Variants in OTC observed in about 807,000 individuals in gnomAD.
OTC encodes ornithine transcarbamylase, also known as ornithine transcarbamylase, mitochondrial.
OTC carries 3 observed loss-of-function variants against 30.3 expected under a neutral mutation model. The ratio of observed to expected loss-of-function variants is 0.10; its 90% CI spans 0.05 to 0.26. OTC has a LOEUF of 0.26. Among genes scored for constraint, OTC ranks in the 10% least tolerant of loss-of-function variants. The pLI, the probability that OTC is intolerant of heterozygous loss-of-function variation, is 1.00. For synonymous variants in OTC, 111 were observed against 99.7 expected, an observed-to-expected ratio of 1.11 and a Z score of -0.67; for missense variants, 194 against 260.3, an observed-to-expected ratio of 0.75 and a Z score of 1.75.
chrX:38,366,732 C>A (rs1010549766), intron 1 of OTC, among the ~76,000 whole-genome samples: 3 of 111,484 alleles, frequency 2.7e-5, no homozygotes, highest in Non-Finnish European at 5.6e-5. Flanking sequence ...ACTCATGTGG[C>A]TATTTCAAGC....
chrX:38,331,589 A>G, the OTC span, among the ~76,000 whole-genome samples: 5 of 103,664 alleles, frequency 4.8e-5, no homozygotes, highest in Admixed American at 2.1e-4. Context: ...TGTCCTATAT[A>G]CTATTTTTTT....
chrX:38,358,795 C>T (rs901616532), intron 1 of OTC, among the ~76,000 whole-genome samples: 17 of 108,786 alleles, frequency 1.6e-4, no homozygotes. Flanking sequence ...CTAATTTTTG[C>T]ATTTTTAGTA....
In OTC at chrX:38,381,324, C is replaced by CTTTTTTTTTTTTTTTTT. The variant is rs764551624; in HGVS notation, c.299-8_299-7insTTTTTTTTTTTTTTTTT. On this transcript the variant is annotated splice_polypyrimidine_tract_variant and intron_variant, in intron 3 of 9. Coordinates refer to ENST00000039007, the MANE Select transcript of OTC (RefSeq NM_000531.6). ...GTTGTTTTTTCAAAATGATTTTTTTCTTTTTTTTTTATTGTAGGCTTTGCA... is the reference window on the plus strand; with the variant it reads ...GTTGTTTTTTCAAAATGATTTTTTTCTTTTTTTTTTTTTTTTTTTTTTTTTTTATTGTAGGCTTTGCA... The CTTTTTTTTTTTTTTTTT allele has an allele frequency of 1.1e-6, 1 of 940,647 alleles. No individual in the cohort carries two copies. The highest frequency in any genetic ancestry group is 1.5e-6 in the Non-Finnish European group (1 of 689,251). The allele number at this position is 940,647 out of a possible 1,213,427, so 77.5% of individuals were successfully genotyped here.
the OTC span, among the ~76,000 whole-genome samples, chrX:38,334,853 C>T: frequency 1.8e-5 from 2 of 111,390 alleles, no homozygotes; most frequent in Non-Finnish European, 3.8e-5. Context: ...AGGTGAGCAG[C>T]GGTAGAGCAT....
At chrX:38,414,788 G>A (rs889190188) in intron 9 of OTC, among the ~76,000 whole-genome samples, 1 of 111,609 alleles carries the variant, frequency 9.0e-6, no homozygotes, top group African/African-American at 3.3e-5. Flanking sequence ...TGCCTTACAC[G>A]GACGCTAGAA....
At chrX:38,372,826 C>T (rs1207973726) in intron 3 of OTC, among the ~76,000 whole-genome samples, 1 of 112,097 alleles carries the variant, frequency 8.9e-6, no homozygotes, top group East Asian at 2.8e-4. Context: ...CAAGTACCAC[C>T]TGTTACTTTG....
Position 38,358,996 on chromosome X carries a change from G to A in OTC, c.77+6223G>A, listed in dbSNP as rs371929469. Among the ~76,000 whole-genome samples the A allele has an allele frequency of 5.4e-5, 6 of 111,488 alleles. No homozygotes were observed. In the East Asian group the frequency reaches 1.4e-3, roughly 26 times the overall value. On this transcript the variant is annotated intron_variant, in intron 1 of 9. Coordinates refer to ENST00000039007, the MANE Select transcript of OTC (RefSeq NM_000531.6). ...AGATGCTGGTATGACCAGATATATA[G>A]CATCTACCTCTCTACCGCTTTTGTC...
At chrX:38,393,625 G>T (rs1268850033) in intron 4 of OTC, among the ~76,000 whole-genome samples, 1 of 111,963 alleles carries the variant, frequency 8.9e-6, no homozygotes, top group African/African-American at 3.2e-5. Context: ...AGTGGGAACG[G>T]GTTGCTAAAT....
intron 6 of OTC, among the ~76,000 whole-genome samples, chrX:38,404,498 G>A (rs191676498): frequency 1.8e-5 from 2 of 112,043 alleles, no homozygotes; most frequent in East Asian, 2.8e-4. Context: ...TGGGTCCTTC[G>A]ATGACTTTGT....
chrX:38,392,871 G>T (rs897386975), intron 4 of OTC, among the ~76,000 whole-genome samples: 1 of 112,215 alleles, frequency 8.9e-6, no homozygotes, highest in African/African-American at 3.2e-5. Flanking sequence ...GGGATATTCC[G>T]CACTCTTTGT....
rs778382063 is a variant in OTC, at chrX:38,375,722, T to TA, written c.299-5612dup. Among the ~76,000 whole-genome samples, 94 of 111,189 alleles carry TA rather than the reference T, an allele frequency of 8.5e-4. 1 individual carries two copies. In the South Asian group the frequency reaches 0.03, roughly 35 times the overall value. On this transcript the variant is annotated intron_variant, in intron 3 of 9. Transcript: ENST00000039007. ...CTATTAGACATATAAGCAAAGATGT[T>TA]AAAAAAAAGCAGTTGCACATGAGTC...
At chrX:38,401,660 CATCTT>C (rs2068489423) in intron 5 of OTC, among the ~76,000 whole-genome samples, 1 of 111,621 alleles carries the variant, frequency 9.0e-6, no homozygotes, top group Non-Finnish European at 1.9e-5. Flanking sequence ...GCCCATATCT[CATCTT>C]ATGTTCTGTC....
At chrX:38,350,040 T>A (rs1430822174), upstream of OTC, among the ~76,000 whole-genome samples, 5 of 111,484 alleles carry the variant, frequency 4.5e-5, no homozygotes, top group Non-Finnish European at 9.4e-5. Flanking sequence ...GACTATTTTC[T>A]GATTCTTGCA....
chrX:38,420,545 C>T (rs1217531266), intron 9 of OTC, among the ~76,000 whole-genome samples: 1 of 111,054 alleles, frequency 9.0e-6, no homozygotes, highest in African/African-American at 3.3e-5. Context: ...AGAGATAATA[C>T]TCTTTCAGGA....
At chrX:38,350,133 G>A (rs779890696), upstream of OTC, among the ~76,000 whole-genome samples, 10 of 111,374 alleles carry the variant, frequency 9.0e-5, no homozygotes, top group African/African-American at 3.3e-4. Context: ...AGAGGGTCAC[G>A]TCAAGCTGGA....
At position 38,401,256 on chromosome X, in the gene OTC, T is replaced by G; in HGVS notation, c.387-19T>G. The G allele has an allele frequency of 8.5e-7, 1 of 1,170,125 alleles. No individual in the cohort carries two copies. The highest frequency in any genetic ancestry group is 1.2e-6 in the Non-Finnish European group (1 of 858,173). On this transcript the variant is annotated intron_variant, in intron 4 of 9. Coordinates refer to ENST00000039007, the MANE Select transcript of OTC (RefSeq NM_000531.6). ...TAAGCATAATTATCTTAGATTATCT[T>G]TTTCTTGGTTTGCCACAGTGTATTG...
intron 9 of OTC, among the ~76,000 whole-genome samples, chrX:38,417,053 A>G (rs1265484409): frequency 2.7e-5 from 3 of 111,634 alleles, no homozygotes; most frequent in Non-Finnish European, 5.6e-5. Context: ...AGGCTCCTTT[A>G]TCTCCTTTTT....
chrX:38,405,657 G>T (rs1414915939), intron 6 of OTC, among the ~76,000 whole-genome samples: 1 of 111,801 alleles, frequency 8.9e-6, no homozygotes, highest in Non-Finnish European at 1.9e-5. Context: ...AAAATGTACT[G>T]CATGCAGTGG....
chrX:38,364,163 G>T (rs1008423331), intron 1 of OTC, among the ~76,000 whole-genome samples: 3 of 111,396 alleles, frequency 2.7e-5, no homozygotes, highest in African/African-American at 9.8e-5. Flanking sequence ...TAAAATATTT[G>T]GTTCTTCTTA....
Sources: allele counts gnomAD v4.1 joint callset (sites outside exome capture counted in the v4.1 genomes callset), GRCh38; gene constraint gnomAD v4.1.1; transcripts MANE v1.5; gene names NCBI Gene and HGNC (gene_info 2026-07-23, HGNC 2026-07-21).